Variants in POLR3B observed in about 807,000 individuals in gnomAD.
The protein encoded by POLR3B is DNA-directed RNA polymerase III subunit RPC2.
In POLR3B, 96 loss-of-function variants were observed where a neutral mutation model predicts 147.4. That is an observed-to-expected ratio of 0.65 (90% confidence interval 0.55 to 0.77). The LOEUF is 0.77. Ranked by LOEUF, POLR3B falls within the 30% of genes least tolerant of loss-of-function variation. The pLI, the probability that POLR3B is intolerant of heterozygous loss-of-function variation, is 0.00. For synonymous variants in POLR3B, 461 were observed against 485.9 expected (o/e 0.95, Z 0.67); for missense variants, 1,036 against 1,413.5 (o/e 0.73, Z 4.28).
At chr12:106,502,878 AT>A (rs2038624357) in intron 26 of POLR3B, among the ~76,000 whole-genome samples, 1 of 152,204 alleles carries the variant, frequency 6.6e-6, no homozygotes, top group African/African-American at 2.4e-5. Context: ...AGTAACATAA[AT>A]GTCAAAGCAG....
intron 23 of POLR3B, among the ~76,000 whole-genome samples, chr12:106,490,479 A>G (rs961365755): frequency 6.6e-6 from 1 of 152,220 alleles, no homozygotes; most frequent in Non-Finnish European, 1.5e-5. Context: ...AAGCTAATCA[A>G]GTTTTCTTAT....
At chr12:106,465,940 T>C (rs2038000436) in intron 23 of POLR3B, among the ~76,000 whole-genome samples, 1 of 152,240 alleles carries the variant, frequency 6.6e-6, no homozygotes, top group Non-Finnish European at 1.5e-5. Context: ...CATGTGTCTT[T>C]ATAGTAGAAT....
At position 106,384,450 on chromosome 12, in the gene POLR3B, G is replaced by T. The variant is rs532261941; in HGVS notation, c.723+4311G>T. Among the ~76,000 whole-genome samples, 3 of 152,242 alleles carry T rather than the reference G, an allele frequency of 2.0e-5. No individual in the cohort carries two copies. The South Asian group carries it at 6.2e-4, about 32-fold the overall frequency. On this transcript the variant is annotated intron_variant, in intron 9 of 27. Transcript: ENST00000228347. Reference sequence around the variant, plus strand: ...CATAACCCCAAAATCAATACTTGTGGTGCTTTTGTGGTTATTCACAGATAT... The same window carrying T: ...CATAACCCCAAAATCAATACTTGTGTTGCTTTTGTGGTTATTCACAGATAT...
intron 2 of POLR3B, 94 bp from the exon 3 acceptor site, chr12:106,366,422 A>T (rs2036536291): frequency 1.3e-6 from 1 of 787,106 alleles, no homozygotes; most frequent in Non-Finnish European, 2.2e-6. Flanking sequence ...TTCACCTATT[A>T]TTAGATTCCA....
intron 18 of POLR3B, among the ~76,000 whole-genome samples, chr12:106,440,421 G>A (rs919297406): frequency 3.3e-5 from 5 of 152,102 alleles, no homozygotes; most frequent in Non-Finnish European, 7.4e-5. Flanking sequence ...AGGGGCTGTC[G>A]GTCTCCCTCA....
chr12:106,398,648 G>A (rs533819301), intron 10 of POLR3B, among the ~76,000 whole-genome samples: 2 of 152,296 alleles, frequency 1.3e-5, no homozygotes, highest in Admixed American at 6.5e-5. Flanking sequence ...CCAGAGGAAC[G>A]ATCAGGCAGC....
At chr12:106,454,096 T>C (rs570043220) in intron 19 of POLR3B, among the ~76,000 whole-genome samples, 1 of 152,312 alleles carries the variant, frequency 6.6e-6, no homozygotes, top group Admixed American at 6.5e-5. Context: ...TACCTGTTTA[T>C]CCATTTTATA....
intron 11 of POLR3B, chr12:106,410,480 G>A: frequency 3.8e-6 from 1 of 265,832 alleles, no homozygotes; most frequent in Non-Finnish European, 7.3e-6. Flanking sequence ...GGAATTGGCT[G>A]GTATCATTTC....
At chr12:106,433,386 G>A (rs890834948) in intron 15 of POLR3B, among the ~76,000 whole-genome samples, 4 of 152,218 alleles carry the variant, frequency 2.6e-5, no homozygotes, top group African/African-American at 4.8e-5. Flanking sequence ...TGATCAGCTC[G>A]TTTAACCTTT....
chr12:106,409,964 G>A (rs1305152919), intron 11 of POLR3B, among the ~76,000 whole-genome samples: 1 of 152,090 alleles, frequency 6.6e-6, no homozygotes, highest in Non-Finnish European at 1.5e-5. Flanking sequence ...CTATGATTGA[G>A]CCAGATTCAT....
At position 106,378,250 on chromosome 12, in the gene POLR3B, T is replaced by C; in HGVS notation, c.497-17T>C. 1 of 1,467,012 alleles carries C rather than the reference T, an allele frequency of 6.8e-7. No individual in the cohort carries two copies. Among genetic ancestry groups the C allele is most frequent in the Non-Finnish European group, 9.6e-7 (1 of 1,045,652 alleles). The allele number at this position is 1,467,012 out of a possible 1,614,324, so 90.9% of individuals were successfully genotyped here. A position where few individuals can be genotyped will look rare whatever the true frequency, so the allele number is the denominator to read the frequency against. On this transcript the variant is annotated splice_polypyrimidine_tract_variant and intron_variant, in intron 7 of 27. Transcript: ENST00000228347. The stretch of plus-strand genomic sequence containing the variant: ...TGAGGAATAAATGATGAAGTTTTTC[T>C]TGTTTCCTTTGGGTAGGTGGCTACT...
chr12:106,408,168 A>G (rs2037174497), intron 11 of POLR3B, among the ~76,000 whole-genome samples: 1 of 152,208 alleles, frequency 6.6e-6, no homozygotes, highest in Admixed American at 6.5e-5. Context: ...AGATGATTAG[A>G]CGTATTACAT....
At chr12:106,430,026 G>T (rs996902501) in intron 13 of POLR3B, among the ~76,000 whole-genome samples, 4 of 152,158 alleles carry the variant, frequency 2.6e-5, no homozygotes, top group Non-Finnish European at 4.4e-5. Context: ...ATGTGGTAAG[G>T]TTATGCGTCG....
intron 2 of POLR3B, among the ~76,000 whole-genome samples, chr12:106,365,113 C>T (rs146507673): frequency 7.0e-4 from 106 of 152,016 alleles, no homozygotes; most frequent in South Asian, 8.3e-4. Flanking sequence ...GCAGCCTGGT[C>T]GACAGTGTGA....
At chr12:106,498,220 T>G (rs1393809789) in intron 25 of POLR3B, among the ~76,000 whole-genome samples, 3 of 152,188 alleles carry the variant, frequency 2.0e-5, no homozygotes, top group Admixed American at 6.5e-5. Context: ...AAAGTTATGT[T>G]TGACACTTTG....
chr12:106,434,366 C>G (rs1442519403), intron 16 of POLR3B, among the ~76,000 whole-genome samples: 1 of 151,986 alleles, frequency 6.6e-6, no homozygotes, highest in African/African-American at 2.4e-5. Context: ...TAGTCTGTTG[C>G]TACAAACTGA....
rs2037595859 is a variant in POLR3B at position 106,437,692 on chromosome 12, A to T, written c.1868A>T (p.Asp623Val). The change falls in exon 18 of 28, where the codon GAT (aspartate) becomes GTT (valine). Residue 623 changes from aspartate (D) to valine (V), a missense_variant. This residue lies in a region of POLR3B where 177 missense variants were observed against 232.7 expected (regional missense o/e 0.76). Coordinates refer to ENST00000228347, the MANE Select transcript of POLR3B (RefSeq NM_018082.6). Reference protein sequence around the residue: ...ELAQGYRNFEDFLHESLVEYL... With the variant: ...ELAQGYRNFEVFLHESLVEYL... Reference sequence around the variant, plus strand: ...CAATATTTTCCCAGGAATTTTGAAGATTTCTTACATGAGAGTCTGGTTGAA... The same window carrying T: ...CAATATTTTCCCAGGAATTTTGAAGTTTTCTTACATGAGAGTCTGGTTGAA... 1.3e-6 allele frequency: 2 copies of T among 1,589,456 alleles called. No homozygotes were observed. The highest frequency in any genetic ancestry group is 2.7e-5 in the African/African-American group (2 of 74,468).
intron 23 of POLR3B, among the ~76,000 whole-genome samples, chr12:106,467,583 G>A (rs1453229962): frequency 1.3e-5 from 2 of 152,186 alleles, no homozygotes; most frequent in East Asian, 3.8e-4. Context: ...GATATTGGCT[G>A]TGGGTTTGTC....
At chr12:106,402,025 C>T (rs1251637272) in intron 10 of POLR3B, among the ~76,000 whole-genome samples, 1 of 152,070 alleles carries the variant, frequency 6.6e-6, no homozygotes, top group Non-Finnish European at 1.5e-5. Flanking sequence ...TCAAATTGTC[C>T]CTGTTTGCAG....
Sources: gnomAD v4.1 joint callset for allele counts (sites outside exome capture counted in the v4.1 genomes callset) on GRCh38, gnomAD v4.1.1 for gene constraint, gnomAD v4.1.1 regional missense constraint, MANE v1.5 for transcripts, NCBI Gene and HGNC (gene_info 2026-07-23, HGNC 2026-07-21) for gene names.